Variants in TET2 observed in about 807,000 individuals in gnomAD.
TET2 encodes the protein methylcytosine dioxygenase TET2.
A neutral mutation model predicts 142.9 loss-of-function variants in TET2; 299 were observed. The ratio of observed to expected loss-of-function variants is 2.09; its 90% CI spans 1.90 to 2.30. The LOEUF is 2.30. Ranked by LOEUF, TET2 falls within the 30% of genes most tolerant of loss-of-function variation. The pLI is 0.00. For synonymous variants in TET2, 819 were observed against 849.0 expected (o/e 0.96, Z 0.61); for missense variants, 2,418 against 2,378.0 (o/e 1.02, Z -0.35).
chr4:105,191,381 A>C (rs537027505), intron 2 of TET2, among the ~76,000 whole-genome samples: 41 of 152,284 alleles, frequency 2.7e-4, no homozygotes, highest in African/African-American at 9.6e-4. Flanking sequence ...TTTTTGTCTA[A>C]AATGTTTAAG....
At chr4:105,267,539 TAAA>T (rs35668673) in intron 8 of TET2, among the ~76,000 whole-genome samples, 6 of 127,616 alleles carry the variant, frequency 4.7e-5, no homozygotes, top group African/African-American at 1.1e-4. Context: ...CTTAAACCAC[TAAA>T]AAAAAAAAAA....
At position 105,204,774 on chromosome 4, in the gene TET2, C is replaced by T. The variant is rs149715496; in HGVS notation, c.-47+14269C>T. ...GTTTAAAATACATGGCATTTTACTA[C>T]GTAAATATTCTCTGTATCTGTAGGT... On this transcript the variant is annotated intron_variant, in intron 2 of 10. Transcript: ENST00000380013. Among the ~76,000 whole-genome samples the T allele has an allele frequency of 9.9e-4, 151 of 152,206 alleles. 1 individual carries two copies. The highest frequency in any genetic ancestry group is 3.4e-3 in the African/African-American group (142 of 41,552).
intron 1 of TET2, among the ~76,000 whole-genome samples, chr4:105,186,891 C>T (rs528083925): frequency 5.3e-5 from 8 of 152,300 alleles, no homozygotes; most frequent in African/African-American, 1.9e-4. Flanking sequence ...CTGAACAAAG[C>T]CAGAATTATT....
chr4:105,238,915 T>C, intron 3 of TET2: 1 of 240,492 alleles, frequency 4.2e-6, no homozygotes, highest in Non-Finnish European at 8.8e-6. Context: ...TGATAAGACT[T>C]GAAAGTCAAA....
Position 105,275,517 on chromosome 4 carries a change from G to A in TET2, c.5007G>A (p.Lys1669=), listed in dbSNP as rs1731167782. ...ATCCAAGCCAAGACCCTCTGTCTAA[G>A]CTCAGTCTACCACCCATCCATACAC... ...YRYPSQDPLS[K]LSLPPIHTLY... is the part of the protein sequence containing the mutation. Residue 1669 remains lysine, a synonymous_variant, in exon 11 of 11, where the codon AAG becomes AAA. Transcript: ENST00000380013. 16 of 1,551,654 alleles carry A rather than the reference G, an allele frequency of 1.0e-5. No individual in the cohort carries two copies. The highest frequency in any genetic ancestry group is 2.4e-5 in the East Asian group (1 of 40,920).
Position 105,276,287 on chromosome 4 carries a change from G to C in TET2, c.5777G>C (p.Arg1926Pro). 6.4e-7 allele frequency: 1 copy of C among 1,551,646 alleles called. No individual in the cohort carries two copies. Among genetic ancestry groups the C allele is most frequent in the Non-Finnish European group, 8.7e-7 (1 of 1,146,966 alleles). ...LWEAKMAEKA[R>P]EKEEECEKYG... ...GAAGCCAAAATGGCTGAAAAAGCCC[G>C]TGAGAAAGAGGAAGAGTGTGAAAAG... Residue 1926 changes from arginine to proline, a missense_variant, in exon 11 of 11, where the codon CGT becomes CCT. Transcript: ENST00000380013.
intron 2 of TET2, among the ~76,000 whole-genome samples, chr4:105,215,209 A>G (rs549317462): frequency 1.6e-3 from 245 of 152,290 alleles, no homozygotes; most frequent in African/African-American, 5.7e-3. Context: ...CTACACAGCC[A>G]TAGGCAGTGA....
chr4:105,190,289 T>A, intron 1 of TET2, 71 bp from the exon 2 acceptor site: 1 of 528,516 alleles, frequency 1.9e-6, no homozygotes. Flanking sequence ...CCTTTTAAAC[T>A]CTTTATATCA....
intron 1 of TET2, chr4:105,177,689 A>G (rs1217513152): frequency 6.6e-6 from 1 of 152,266 alleles, no homozygotes; most frequent in Non-Finnish European, 1.5e-5. Context: ...AGAATTCAAA[A>G]TGGCATAGTC....
chr4:105,242,148 A>G, intron 4 of TET2: 1 of 1,148,974 alleles, frequency 8.7e-7, no homozygotes, highest in Non-Finnish European at 1.1e-6. Context: ...GGCAGCTAGG[A>G]CATATTCAGT....
intron 1 of TET2, among the ~76,000 whole-genome samples, chr4:105,188,895 G>A (rs560621385): frequency 1.3e-5 from 2 of 152,208 alleles, no homozygotes; most frequent in South Asian, 4.2e-4. Context: ...GGGTTTTTTG[G>A]GGCGAGGGGG....
At chr4:105,170,568 C>T (rs926228390) in intron 1 of TET2, among the ~76,000 whole-genome samples, 4 of 152,090 alleles carry the variant, frequency 2.6e-5, no homozygotes, top group Non-Finnish European at 5.9e-5. Context: ...GTTGTCTTTT[C>T]TCTGCTGATT....
intron 1 of TET2, among the ~76,000 whole-genome samples, chr4:105,164,525 G>T (rs1206523649): frequency 6.6e-6 from 1 of 152,228 alleles, no homozygotes; most frequent in Non-Finnish European, 1.5e-5. Context: ...CATGTGTTGA[G>T]CATCTATGTA....
At chr4:105,266,659 C>T (rs1200616268) in intron 8 of TET2, among the ~76,000 whole-genome samples, 1 of 151,300 alleles carries the variant, frequency 6.6e-6, no homozygotes, top group Non-Finnish European at 1.5e-5. Context: ...ATACACTAGG[C>T]GGAATTAACA....
At position 105,272,868 on chromosome 4, in the gene TET2, C is replaced by T. The variant is rs576787389; in HGVS notation, c.4487C>T (p.Pro1496Leu). The change falls in exon 10 of 11, where the codon CCA becomes CTA. Residue 1496 changes from proline to leucine, a missense_variant. By Grantham distance (98) the Pro-to-Leu change is moderately conservative. Transcript: ENST00000380013. The part of the protein sequence containing the change: ...SNKNEKEKSA[P>L]SRTKQTENAS... ...AAAAATGAAAAGGAAAAGTCAGCCC[C>T]ATCACGTACAAAACAAACTGAAAAC... The T allele has an allele frequency of 1.3e-6, 2 of 1,549,094 alleles. No homozygotes were observed. The highest frequency in any genetic ancestry group is 2.4e-5 in the East Asian group (1 of 40,902).
chr4:105,252,099 C>G (rs1328608290), intron 6 of TET2, among the ~76,000 whole-genome samples: 1 of 152,144 alleles, frequency 6.6e-6, no homozygotes, highest in African/African-American at 2.4e-5. Context: ...GAGTCTGGAT[C>G]CATGTTTAAT....
chr4:105,265,577 ACCTTCATTTT>A (rs1399273110), intron 8 of TET2, among the ~76,000 whole-genome samples: 16 of 152,212 alleles, frequency 1.1e-4, no homozygotes, highest in Non-Finnish European at 1.5e-4. Context: ...AGTAGTTGGT[ACCTTCATTTT>A]CCTTTGGCCA....
At position 105,191,909 on chromosome 4, in the gene TET2, C is replaced by T. The variant is rs1725812981; in HGVS notation, c.-47+1404C>T. Among the ~76,000 whole-genome samples, 3 of 152,226 alleles carry T rather than the reference C, an allele frequency of 2.0e-5. No homozygotes were observed. The South Asian group carries it at 6.2e-4, about 32-fold the overall frequency. ...TTAATATTTTTAGAGTAATCATTGT[C>T]ACTGAAAATAGACTTCCTCTTTCCC... is the stretch of plus-strand genomic sequence containing the variant. On this transcript the variant is annotated intron_variant, in intron 2 of 10. Coordinates refer to ENST00000380013, the MANE Select transcript of TET2 (RefSeq NM_001127208.3).
In TET2 at chr4:105,276,331, C is replaced by T. The variant is rs1283441077; in HGVS notation, c.5821C>T (p.Pro1941Ser). The change falls in exon 11 of 11, where the codon CCT (proline) becomes TCT (serine). Residue 1941 changes from proline to serine, a missense_variant. Transcript: ENST00000380013. ...TGAAAAGTATGGCCCAGACTATGTG[C>T]CTCAGAAATCCCATGGCAAAAAAGT... The part of the protein sequence containing the change: ...ECEKYGPDYV[P>S]QKSHGKKVKR... The T allele has an allele frequency of 6.4e-7, 1 of 1,551,688 alleles. No homozygotes were observed. Among genetic ancestry groups the T allele is most frequent in the Non-Finnish European group, 8.7e-7 (1 of 1,146,984 alleles).
Sources: allele counts gnomAD v4.1 joint callset (sites outside exome capture counted in the v4.1 genomes callset), GRCh38; gene constraint gnomAD v4.1.1; transcripts MANE v1.5; gene names NCBI Gene and HGNC (gene_info 2026-07-23, HGNC 2026-07-21).